The following ENPEP variants were observed in gnomAD, a reference collection of about 807,000 sequenced individuals.
ENPEP encodes AP-A.
Under a neutral mutation model 114.5 loss-of-function variants are expected in ENPEP, and 103 were observed. The observed-to-expected ratio is 0.90, with a 90% CI of 0.77 to 1.06. ENPEP has a LOEUF of 1.06. Ranked by LOEUF, ENPEP falls within the 50% of genes least tolerant of loss-of-function variation. The pLI is 0.00. For synonymous variants in ENPEP, 420 were observed against 422.0 expected (o/e 1.00, Z 0.06); for missense variants, 1,196 against 1,161.3 (o/e 1.03, Z -0.43).
intron 8 of ENPEP, among the ~76,000 whole-genome samples, chr4:110,518,491 A>T (rs1725862862): frequency 6.6e-6 from 1 of 152,230 alleles, no homozygotes; most frequent in Admixed American, 6.5e-5. Context: ...CAAGGTGAAG[A>T]GGGAAGTGTC....
At chr4:110,480,440 A>G (rs1362096361) in intron 1 of ENPEP, among the ~76,000 whole-genome samples, 1 of 152,118 alleles carries the variant, frequency 6.6e-6, no homozygotes, top group African/African-American at 2.4e-5. Context: ...TTTCTTTCAT[A>G]CTATAGAGTG....
In ENPEP at chr4:110,476,337, T is replaced by A; in HGVS notation, c.-78T>A. 1 of 1,477,376 alleles carries A rather than the reference T, an allele frequency of 6.8e-7. No individual in the cohort carries two copies. Among genetic ancestry groups the A allele is most frequent in the East Asian group, 2.3e-5 (1 of 43,396 alleles). 91.5% of individuals were successfully genotyped at this position (1,477,376 alleles called of 1,614,324 possible). On this transcript the variant is annotated 5_prime_UTR_variant, in exon 1 of 20. Coordinates refer to ENST00000265162, the MANE Select transcript of ENPEP (RefSeq NM_001977.4). ...GCCAAATCAGGGGATTCCTTCCAAT[T>A]TAAAAAGGAAGTCTGCTGACGTTAG... is the stretch of plus-strand genomic sequence containing the variant.
At chr4:110,549,677 G>A (rs1727214138) in intron 16 of ENPEP, 39 bp from the exon 17 acceptor site, 3 of 1,612,956 alleles carry the variant, frequency 1.9e-6, no homozygotes, top group Non-Finnish European at 2.5e-6. Flanking sequence ...TTTGAGAAAA[G>A]AGTAGTTGAA....
At chr4:110,499,881 T>G (rs1725087274) in intron 3 of ENPEP, 1 of 152,214 alleles carries the variant, frequency 6.6e-6, no homozygotes, top group South Asian at 2.1e-4. Flanking sequence ...TTAATAATTC[T>G]GGATTCATAG....
intron 6 of ENPEP, 146 bp from the exon 7 acceptor site, chr4:110,513,269 A>C: frequency 1.2e-6 from 1 of 847,110 alleles, no homozygotes; most frequent in East Asian, 2.9e-5. Context: ...ATCAGTGCAA[A>C]GTATGATTAA....
In ENPEP at chr4:110,564,222, G is replaced by T. The variant is rs1727761459; in HGVS notation, c.*2664G>T. 6.6e-6 allele frequency: 1 copy of T among 152,096 alleles called. No individual in the cohort carries two copies. Among genetic ancestry groups the T allele is most frequent in the Non-Finnish European group, 1.5e-5 (1 of 68,002 alleles). 9.4% of individuals were successfully genotyped at this position (152,096 alleles called of 1,614,324 possible). A position where few individuals can be genotyped will look rare whatever the true frequency, so the allele number is the denominator to read the frequency against. Reference sequence around the variant, plus strand: ...AGAGTGGATAAATTGAGATGGAGAAGTTATAGAACTTGCACAAGGCTACAA... The same window carrying T: ...AGAGTGGATAAATTGAGATGGAGAATTTATAGAACTTGCACAAGGCTACAA... On this transcript the variant is annotated 3_prime_UTR_variant, in exon 20 of 20. Coordinates refer to ENST00000265162, the MANE Select transcript of ENPEP (RefSeq NM_001977.4).
chr4:110,496,698 G>A lies in ENPEP; in HGVS notation c.918+5534G>A, dbSNP rs758257500. Reference sequence around the variant, plus strand: ...TTTAAGAGTACTGTTCAGGTATTTCGTAGAAAGTTTCTCAGTTTGGGTTTG... The same window carrying A: ...TTTAAGAGTACTGTTCAGGTATTTCATAGAAAGTTTCTCAGTTTGGGTTTG... On this transcript the variant is annotated intron_variant, in intron 3 of 19. Transcript: ENST00000265162. Among the ~76,000 whole-genome samples the A allele has an allele frequency of 8.6e-5, 13 of 152,026 alleles. No homozygotes were observed. In the East Asian group the frequency reaches 9.7e-4, roughly 11 times the overall value.
intron 3 of ENPEP, chr4:110,500,246 T>G (rs893726433): frequency 6.6e-6 from 1 of 152,132 alleles, no homozygotes. Flanking sequence ...GGGATAACAT[T>G]AAGAACTCTA....
chr4:110,550,580 A>G (rs1277023535), intron 17 of ENPEP, among the ~76,000 whole-genome samples: 1 of 152,102 alleles, frequency 6.6e-6, no homozygotes, highest in African/African-American at 2.4e-5. Flanking sequence ...AAGCTCATCT[A>G]TGACTCATTT....
At chr4:110,552,160 A>G (rs1487937032) in intron 17 of ENPEP, among the ~76,000 whole-genome samples, 2 of 152,164 alleles carry the variant, frequency 1.3e-5, no homozygotes, top group Non-Finnish European at 2.9e-5. Flanking sequence ...AACCAGGATC[A>G]TTACCTTAAA....
At chr4:110,528,217 A>G (rs776463180) in intron 10 of ENPEP, among the ~76,000 whole-genome samples, 1 of 152,110 alleles carries the variant, frequency 6.6e-6, no homozygotes, top group Non-Finnish European at 1.5e-5. Context: ...TTATTTTTTA[A>G]GAAGTCATAT....
chr4:110,549,521 T>C lies in ENPEP; in HGVS notation c.2226-7T>C. 6.2e-7 allele frequency: 1 copy of C among 1,613,430 alleles called. No homozygotes were observed. Among genetic ancestry groups the C allele is most frequent in the Non-Finnish European group, 8.5e-7 (1 of 1,179,566 alleles). ...GGCCCTGGATTTGTGTTTGTTTGTTTTTTAAGGTTACTCCGTTCCTCCGTG... is the reference window on the plus strand; with the variant it reads ...GGCCCTGGATTTGTGTTTGTTTGTTCTTTAAGGTTACTCCGTTCCTCCGTG... On this transcript the variant is annotated splice_region_variant and splice_polypyrimidine_tract_variant and intron_variant, in intron 15 of 19. Transcript: ENST00000265162.
chr4:110,486,693 T>C (rs1018975838), intron 1 of ENPEP, among the ~76,000 whole-genome samples: 1 of 152,188 alleles, frequency 6.6e-6, no homozygotes, highest in Non-Finnish European at 1.5e-5. Context: ...TATTTGTGTG[T>C]CTCTTGTCTA....
chr4:110,510,006 C>T (rs1055993746), intron 5 of ENPEP, among the ~76,000 whole-genome samples, 199 bp downstream of exon 5: 10 of 152,100 alleles, frequency 6.6e-5, no homozygotes, highest in South Asian at 2.1e-4. Context: ...GAAATATGCA[C>T]GAGGCCTTCA....
chr4:110,525,689 T>A (rs1479855099), intron 10 of ENPEP, among the ~76,000 whole-genome samples: 1 of 152,232 alleles, frequency 6.6e-6, no homozygotes, highest in Admixed American at 6.5e-5. Context: ...CCTTTATAGT[T>A]ACTGGTCTAT....
chr4:110,490,289 A>G (rs542032688), intron 2 of ENPEP, among the ~76,000 whole-genome samples: 77 of 152,300 alleles, frequency 5.1e-4, no homozygotes, highest in African/African-American at 1.7e-3. Flanking sequence ...AAGGGCATGC[A>G]CACCCGTGCT....
chr4:110,538,898 G>A (rs1318965116), intron 11 of ENPEP, among the ~76,000 whole-genome samples: 2 of 152,024 alleles, frequency 1.3e-5, no homozygotes, highest in African/African-American at 4.8e-5. Context: ...GAAAGAGAAA[G>A]ATAAAAAGAG....
chr4:110,512,786 G>C (rs1725626885), intron 6 of ENPEP: 1 of 152,170 alleles, frequency 6.6e-6, no homozygotes, highest in Admixed American at 6.6e-5. Context: ...TCTATTTAAT[G>C]GGTGAGGAAA....
chr4:110,515,542 A>G, intron 8 of ENPEP, 100 bp downstream of exon 8: 1 of 1,010,442 alleles, frequency 9.9e-7, no homozygotes, highest in Non-Finnish European at 1.5e-6. Context: ...TTTCCTTTTT[A>G]ATCTCTTTAC....
Sources: allele counts gnomAD v4.1 joint callset (sites outside exome capture counted in the v4.1 genomes callset), GRCh38; gene constraint gnomAD v4.1.1; transcripts MANE v1.5; gene names NCBI Gene and HGNC (gene_info 2026-07-23, HGNC 2026-07-21).